ERICH6B: variants seen among roughly 807,000 people sequenced by gnomAD.
ERICH6B encodes glutamate rich 6B.
In ERICH6B, 69 loss-of-function variants were observed where a neutral mutation model predicts 80.0. The observed-to-expected ratio is 0.86, with a 90% CI of 0.71 to 1.05. The LOEUF is 1.05. ERICH6B is among the 50% of genes least tolerant of loss of function. The probability of loss-of-function intolerance (pLI) is 0.00; values close to 1 mark genes in which losing one functional copy is unlikely to be tolerated. For synonymous variants in ERICH6B, 283 were observed against 291.9 expected, an observed-to-expected ratio of 0.97 and a Z score of 0.31; for missense variants, 754 against 796.1, an observed-to-expected ratio of 0.95 and a Z score of 0.64.
chr13:45,549,831 C>G, intron 13 of ERICH6B, 62 bp downstream of exon 13: 1 of 1,506,110 alleles, frequency 6.6e-7, no homozygotes, highest in Non-Finnish European at 8.9e-7. Flanking sequence ...GTCTGGGAGT[C>G]ACGCTTTTTC....
chr13:45,557,053 C>T (rs557431166), intron 11 of ERICH6B, among the ~76,000 whole-genome samples: 17 of 152,198 alleles, frequency 1.1e-4, no homozygotes, highest in Non-Finnish European at 2.5e-4. Flanking sequence ...ACATTCCCCC[C>T]AGCAGTGTAG....
At chr13:45,600,595 T>C (rs1398699888) in intron 2 of ERICH6B, among the ~76,000 whole-genome samples, 9 of 152,206 alleles carry the variant, frequency 5.9e-5, no homozygotes, top group Non-Finnish European at 1.2e-4. Context: ...GAAGTGAGAG[T>C]ACGTGGTATT....
chr13:45,546,712 C>T (rs1455286122), intron 13 of ERICH6B, among the ~76,000 whole-genome samples: 1 of 152,140 alleles, frequency 6.6e-6, no homozygotes, highest in Non-Finnish European at 1.5e-5. Flanking sequence ...CCGGGTTTGT[C>T]TGCCTTGTTT....
At chr13:45,613,916 T>C (rs1196908534) in intron 1 of ERICH6B, among the ~76,000 whole-genome samples, 1 of 152,146 alleles carries the variant, frequency 6.6e-6, no homozygotes, top group Non-Finnish European at 1.5e-5. Context: ...GGGGGACTCA[T>C]GGATACAGAT....
chr13:45,575,826 C>G (rs1045082979), intron 7 of ERICH6B, among the ~76,000 whole-genome samples: 1 of 152,086 alleles, frequency 6.6e-6, no homozygotes, highest in Admixed American at 6.5e-5. Flanking sequence ...TGGAATTGAT[C>G]AGTACAGCTT....
chr13:45,547,813 C>A (rs1169076270), intron 13 of ERICH6B, among the ~76,000 whole-genome samples: 7 of 152,170 alleles, frequency 4.6e-5, no homozygotes, highest in African/African-American at 7.2e-5. Context: ...CTCTTGATTT[C>A]TATCCTGGGA....
At chr13:45,589,415 G>A (rs1039013053) in intron 4 of ERICH6B, among the ~76,000 whole-genome samples, 4 of 152,220 alleles carry the variant, frequency 2.6e-5, no homozygotes, top group South Asian at 2.1e-4. Context: ...TCTACCTGGC[G>A]GTTCGTGGGG....
chr13:45,568,526 C>G, intron 8 of ERICH6B, 75 bp from the exon 9 acceptor site: 1 of 1,341,688 alleles, frequency 7.5e-7, no homozygotes, highest in Non-Finnish European at 9.9e-7. Context: ...TTTTCTGACT[C>G]TCAAAGGTAC....
chr13:45,604,589 GA>G (rs928064025), intron 2 of ERICH6B, among the ~76,000 whole-genome samples: 1 of 151,798 alleles, frequency 6.6e-6, no homozygotes, highest in Non-Finnish European at 1.5e-5. Context: ...TTACAGGTGT[GA>G]AAAAAAAGTT....
At chr13:45,590,404 G>A (rs927187699) in intron 4 of ERICH6B, among the ~76,000 whole-genome samples, 2 of 151,966 alleles carry the variant, frequency 1.3e-5, no homozygotes, top group South Asian at 2.1e-4. Flanking sequence ...AAACTCAGAC[G>A]ACCTCTGCCC....
At chr13:45,592,144 G>A (rs8000985) in intron 3 of ERICH6B, among the ~76,000 whole-genome samples, 57 of 152,308 alleles carry the variant, frequency 3.7e-4, no homozygotes, top group African/African-American at 1.3e-3. Flanking sequence ...GGCAGGAAGA[G>A]ATAATGGTTG....
chr13:45,545,020 C>T (rs183776433), intron 13 of ERICH6B, 35 bp from the exon 14 acceptor site: 230 of 1,526,642 alleles, frequency 1.5e-4, no homozygotes, highest in Non-Finnish European at 1.9e-4. Flanking sequence ...GCAGCCAGGG[C>T]GCTCAGCCCT....
At position 45,550,286 on chromosome 13, in the gene ERICH6B, A is replaced by G; in HGVS notation, c.1438T>C (p.Tyr480His). 1.3e-6 allele frequency: 2 copies of G among 1,551,620 alleles called. No homozygotes were observed. Among genetic ancestry groups the G allele is most frequent in the Non-Finnish European group, 1.7e-6 (2 of 1,146,906 alleles). Residue 480 changes from tyrosine to histidine, a missense_variant, in exon 12 of 15, where the codon TAC (tyrosine) becomes CAC (histidine). Physicochemically the swap from Tyr to His is moderately conservative, Grantham distance 83 (BLOSUM62 2). Coordinates refer to ENST00000298738, the MANE Select transcript of ERICH6B (RefSeq NM_182542.3). ...ATTTGATAGACATTCTTGTTGGGGTAGAGAATTAATTTTCCATCACCTTGA... is the reference window on the plus strand; with the variant it reads ...ATTTGATAGACATTCTTGTTGGGGTGGAGAATTAATTTTCCATCACCTTGA... ...VHQGDGKLIL[Y>H]PNKNVYQILF...
At chr13:45,613,850 A>G (rs1949912993) in intron 1 of ERICH6B, among the ~76,000 whole-genome samples, 1 of 152,220 alleles carries the variant, frequency 6.6e-6, no homozygotes, top group South Asian at 2.1e-4. Flanking sequence ...ATACAACACA[A>G]GTGAAGAGGC....
intron 11 of ERICH6B, among the ~76,000 whole-genome samples, chr13:45,556,251 T>C (rs933261789): frequency 6.6e-6 from 1 of 152,090 alleles, no homozygotes; most frequent in Non-Finnish European, 1.5e-5. Flanking sequence ...TTTGCCTCTG[T>C]ATCTCCAGCA....
At chr13:45,560,190 G>A (rs1225272374) in intron 11 of ERICH6B, among the ~76,000 whole-genome samples, 1 of 152,126 alleles carries the variant, frequency 6.6e-6, no homozygotes, top group Non-Finnish European at 1.5e-5. Context: ...CATAAGAATA[G>A]CTACTCCTTC....
chr13:45,601,355 G>A (rs908290323), intron 2 of ERICH6B, among the ~76,000 whole-genome samples: 2 of 152,200 alleles, frequency 1.3e-5, no homozygotes, highest in African/African-American at 2.4e-5. Context: ...AGTTCAAGAC[G>A]AGCCTTGGGA....
At chr13:45,566,203 T>G (rs1874906016) in intron 9 of ERICH6B, among the ~76,000 whole-genome samples, 1 of 152,222 alleles carries the variant, frequency 6.6e-6, no homozygotes, top group African/African-American at 2.4e-5. Context: ...TGGGTGCTGT[T>G]AAAGGCATTC....
chr13:45,585,775 C>T (rs9590914), intron 5 of ERICH6B, among the ~76,000 whole-genome samples: 1 of 152,144 alleles, frequency 6.6e-6, no homozygotes, highest in East Asian at 1.9e-4. Context: ...CCATACAGAC[C>T]GAATATACAT....
Sources: gnomAD v4.1 joint callset for allele counts (sites outside exome capture counted in the v4.1 genomes callset) on GRCh38, gnomAD v4.1.1 for gene constraint, MANE v1.5 for transcripts, NCBI Gene and HGNC (gene_info 2026-07-23, HGNC 2026-07-21) for gene names.